GRIK2: variants seen among roughly 807,000 people sequenced by gnomAD.
GRIK2 encodes the protein glutamate ionotropic receptor kainate type subunit 2, also known as glutamate receptor ionotropic, kainate 2.
Under a neutral mutation model 100.3 loss-of-function variants are expected in GRIK2, and 32 were observed. The observed-to-expected ratio is 0.32, with a 90% CI of 0.24 to 0.43. The LOEUF (loss-of-function observed/expected upper bound fraction) is 0.43, where lower values mean the gene tolerates loss of function less well. Among genes scored for constraint, GRIK2 ranks in the 20% least tolerant of loss-of-function variants. The pLI, the probability that GRIK2 is intolerant of heterozygous loss-of-function variation, is 1.00. For synonymous variants in GRIK2, 417 were observed against 389.4 expected (o/e 1.07, Z -0.83); for missense variants, 843 against 1,114.9 (o/e 0.76, Z 3.47).
chr6:101,938,562 G>A (rs1044035114), intron 14 of GRIK2, among the ~76,000 whole-genome samples: 3 of 152,062 alleles, frequency 2.0e-5, no homozygotes, highest in African/African-American at 7.2e-5. Flanking sequence ...TTTTTATGCT[G>A]TGATATTAGT....
At chr6:101,404,181 C>G (rs1369177821) in intron 2 of GRIK2, among the ~76,000 whole-genome samples, 3 of 152,136 alleles carry the variant, frequency 2.0e-5, no homozygotes, top group Admixed American at 2.0e-4. Context: ...TGCAAGTGAT[C>G]ATTACGATGT....
intron 11 of GRIK2, among the ~76,000 whole-genome samples, chr6:101,864,545 G>C (rs568227772): frequency 6.6e-6 from 1 of 152,282 alleles, no homozygotes; most frequent in South Asian, 2.1e-4. Flanking sequence ...TTTCAAATCA[G>C]ATTTGAGAAG....
chr6:101,900,720 G>T (rs1787791495), intron 12 of GRIK2, among the ~76,000 whole-genome samples: 1 of 151,886 alleles, frequency 6.6e-6, no homozygotes, highest in Non-Finnish European at 1.5e-5. Flanking sequence ...TATTTTTATA[G>T]GTAAAATTTC....
chr6:101,791,413 G>C (rs1338905934), intron 7 of GRIK2, among the ~76,000 whole-genome samples: 1 of 152,074 alleles, frequency 6.6e-6, no homozygotes. Flanking sequence ...TTGTGTTTTT[G>C]TTCTCATTGG....
chr6:101,646,730 T>C (rs1582886688), intron 4 of GRIK2, among the ~76,000 whole-genome samples: 1 of 151,922 alleles, frequency 6.6e-6, no homozygotes, highest in Non-Finnish European at 1.5e-5. Context: ...GTGGAATACA[T>C]TAAATCTCCC....
intron 15 of GRIK2, among the ~76,000 whole-genome samples, chr6:102,043,435 C>A (rs1770704568): frequency 1.3e-5 from 2 of 151,798 alleles, no homozygotes; most frequent in South Asian, 2.1e-4. Flanking sequence ...TTTCTCTCAA[C>A]CCTCCAGCCT....
intron 14 of GRIK2, among the ~76,000 whole-genome samples, chr6:101,974,969 GT>G (rs1354629422): frequency 6.6e-6 from 1 of 151,850 alleles, no homozygotes; most frequent in Non-Finnish European, 1.5e-5. Context: ...AAATTATAGG[GT>G]AAGGTAGGAT....
Position 101,440,405 on chromosome 6 carries a change from G to A in GRIK2, c.115+41013G>A, listed in dbSNP as rs1260804706. Among the ~76,000 whole-genome samples, 3 of 152,270 alleles carry A rather than the reference G, an allele frequency of 2.0e-5. No individual in the cohort carries two copies. The East Asian group carries it at 5.8e-4, about 29-fold the overall frequency. ...AATCAGTTATTAAGATAATCCTGCT[G>A]AGGCACTTGAATCTTTATTTCCTTA... On this transcript the variant is annotated intron_variant, in intron 2 of 16. Coordinates refer to ENST00000369134, the MANE Select transcript of GRIK2 (RefSeq NM_021956.5).
intron 14 of GRIK2, among the ~76,000 whole-genome samples, chr6:102,007,066 A>T (rs1443451490): frequency 6.6e-6 from 1 of 152,108 alleles, no homozygotes; most frequent in Admixed American, 6.6e-5. Flanking sequence ...TGTGCATGAT[A>T]CAATTGTAAA....
chr6:101,824,817 C>T (rs1280308042), intron 10 of GRIK2, among the ~76,000 whole-genome samples: 1 of 152,120 alleles, frequency 6.6e-6, no homozygotes, highest in Non-Finnish European at 1.5e-5. Flanking sequence ...CTTGCTTAAG[C>T]TTGTAAAGCT....
chr6:101,959,898 C>A (rs1302642541), intron 14 of GRIK2, among the ~76,000 whole-genome samples: 1 of 152,044 alleles, frequency 6.6e-6, no homozygotes, highest in Non-Finnish European at 1.5e-5. Flanking sequence ...ATTTGGATAC[C>A]TAATTCCCTG....
rs200557591 is a variant in GRIK2, at chr6:102,035,563, A to T, written c.2308A>T (p.Met770Leu). 1.7e-4 allele frequency: 259 copies of T among 1,554,572 alleles called. No homozygotes were observed. The highest frequency in any genetic ancestry group is 2.2e-4 in the Non-Finnish European group (251 of 1,127,438). Residue 770 changes from methionine (M) to leucine (L), a missense_variant, in exon 15 of 17, where the codon ATG becomes TTG. Met to Leu is a conservative substitution (Grantham distance 15, BLOSUM62 2). Coordinates refer to ENST00000369134, the MANE Select transcript of GRIK2 (RefSeq NM_021956.5). ...DSKGYGVGTP[M>L]GSPYRDKITI... The stretch of plus-strand genomic sequence containing the variant: ...TAAAGGTTATGGCGTTGGCACTCCC[A>T]TGGGTAGGTTATATGTCAGCTCTTT...
intron 2 of GRIK2, among the ~76,000 whole-genome samples, chr6:101,611,278 T>C (rs1182510685): frequency 6.6e-6 from 1 of 151,926 alleles, no homozygotes; most frequent in African/African-American, 2.4e-5. Context: ...TCAGTTTATA[T>C]ACTGACTTCT....
At chr6:101,730,333 A>C (rs542990515) in intron 7 of GRIK2, among the ~76,000 whole-genome samples, 2 of 152,076 alleles carry the variant, frequency 1.3e-5, no homozygotes, top group East Asian at 3.9e-4. Flanking sequence ...ATAAATTAAG[A>C]ATACATTATA....
intron 14 of GRIK2, among the ~76,000 whole-genome samples, chr6:101,984,657 C>CACT (rs766494308): frequency 2.5e-5 from 1 of 39,832 alleles, no homozygotes. Context: ...ACACACACAC[C>CACT]CTTCAACTTT....
chr6:101,449,646 G>A (rs912952814), intron 2 of GRIK2, among the ~76,000 whole-genome samples: 8 of 151,624 alleles, frequency 5.3e-5, no homozygotes, highest in Admixed American at 1.3e-4. Context: ...GTGGAATTTA[G>A]CAAATTCTGT....
At chr6:101,628,912 C>T (rs1780582429) in intron 4 of GRIK2, among the ~76,000 whole-genome samples, 1 of 152,050 alleles carries the variant, frequency 6.6e-6, no homozygotes, top group Non-Finnish European at 1.5e-5. Flanking sequence ...TATTCACAAT[C>T]CTACGTGTAT....
At chr6:101,539,152 TTAAAA>T (rs1775866638) in intron 2 of GRIK2, among the ~76,000 whole-genome samples, 2 of 151,742 alleles carry the variant, frequency 1.3e-5, no homozygotes, top group Admixed American at 1.3e-4. Context: ...ACACAGACTC[TTAAAA>T]TAAAAATAAA....
intron 14 of GRIK2, among the ~76,000 whole-genome samples, chr6:101,934,588 G>A: frequency 6.6e-6 from 1 of 151,788 alleles, no homozygotes; most frequent in East Asian, 1.9e-4. Context: ...TTTCCATTGA[G>A]AGATAAAATG....
Sources: allele counts gnomAD v4.1 joint callset (sites outside exome capture counted in the v4.1 genomes callset), GRCh38; gene constraint gnomAD v4.1.1; transcripts MANE v1.5; gene names NCBI Gene and HGNC (gene_info 2026-07-23, HGNC 2026-07-21).